The following CNST variants were observed in gnomAD, a reference collection of about 807,000 sequenced individuals.
CNST encodes the protein consortin.
Under a neutral mutation model 72.4 loss-of-function variants are expected in CNST, and 39 were observed. That is an observed-to-expected ratio of 0.54 (90% CI 0.42 to 0.70). The LOEUF (loss-of-function observed/expected upper bound fraction) is 0.70, where lower values mean the gene tolerates loss of function less well. CNST is among the 30% of genes least tolerant of loss of function. The probability of loss-of-function intolerance (pLI) is 0.00; values close to 1 mark genes in which losing one functional copy is unlikely to be tolerated. For missense variants in CNST, 871 were observed against 868.5 expected, an observed-to-expected ratio of 1.00 and a Z score of -0.04; for synonymous variants, 332 against 320.1, an observed-to-expected ratio of 1.04 and a Z score of -0.40.
rs750237928 is a variant in CNST, at chr1:246,647,712, A to G, written c.1511A>G (p.Asp504Gly). The change falls in exon 9 of 11, where the codon GAC (aspartate) becomes GGC (glycine). Residue 504 changes from aspartate (D) to glycine (G), a missense_variant. By Grantham distance (94) the Asp-to-Gly change is moderately conservative. Transcript: ENST00000366513. ...GKSPQAQADS[D>G]GSENVLCGNN... ...TCACCACAGGCGCAGGCTGACTCAG[A>G]CGGTTCTGAGAATGTGCTCTGTGGA... 6.2e-6 allele frequency: 10 copies of G among 1,614,092 alleles called. No homozygotes were observed. In the African/African-American group the frequency reaches 1.2e-4, roughly 19 times the overall value.
intron 3 of CNST, among the ~76,000 whole-genome samples, chr1:246,627,669 G>T (rs1202771772): frequency 6.6e-6 from 1 of 152,158 alleles, no homozygotes; most frequent in African/African-American, 2.4e-5. Context: ...TTTCCTGTTT[G>T]TAGAAGTATT....
At chr1:246,588,930 A>C (rs904535921) in intron 1 of CNST, among the ~76,000 whole-genome samples, 1 of 152,084 alleles carries the variant, frequency 6.6e-6, no homozygotes, top group African/African-American at 2.4e-5. Flanking sequence ...TCCATTTAAA[A>C]ATTTAAATTT....
intron 1 of CNST, among the ~76,000 whole-genome samples, chr1:246,581,983 GT>G (rs1241025279): frequency 6.6e-6 from 1 of 152,054 alleles, no homozygotes; most frequent in East Asian, 1.9e-4. Context: ...TTTAACTGGG[GT>G]TTTTTTAAAT....
chr1:246,641,803 G>A, intron 7 of CNST, 33 bp downstream of exon 7: 3 of 1,304,002 alleles, frequency 2.3e-6, no homozygotes, highest in Admixed American at 1.9e-5. Flanking sequence ...TATATTTCTA[G>A]GAAAAATGTT....
chr1:246,633,980 G>C lies in CNST; in HGVS notation c.673G>C (p.Ala225Pro), dbSNP rs780207242. Reference protein sequence around the residue: ...LERLYHEQLLANLSAIQEQWE... With the variant: ...LERLYHEQLLPNLSAIQEQWE... ...ACGATTGTATCATGAGCAATTGCTC[G>C]CAAATCTTTCTGCCATTCAAGAACA... Residue 225 changes from alanine to proline, a missense_variant, in exon 5 of 11, where the codon GCA becomes CCA. Transcript: ENST00000366513. 1 of 1,612,868 alleles carries C rather than the reference G, an allele frequency of 6.2e-7. No individual in the cohort carries two copies. Among genetic ancestry groups the C allele is most frequent in the Non-Finnish European group, 8.5e-7 (1 of 1,178,940 alleles).
chr1:246,573,978 G>C (rs182800324), intron 1 of CNST, among the ~76,000 whole-genome samples: 9 of 152,302 alleles, frequency 5.9e-5, no homozygotes, highest in South Asian at 4.2e-4. Context: ...TCGAAGTGGT[G>C]GGGGGTAGAA....
At chr1:246,605,686 G>A (rs1365977372) in intron 2 of CNST, among the ~76,000 whole-genome samples, 2 of 143,658 alleles carry the variant, frequency 1.4e-5, no homozygotes, top group African/African-American at 5.1e-5. Context: ...TCCGGCCGGG[G>A]TAGGTGTCTT....
At chr1:246,568,530 C>T (rs972375291) in intron 1 of CNST, among the ~76,000 whole-genome samples, 1 of 152,092 alleles carries the variant, frequency 6.6e-6, no homozygotes. Flanking sequence ...GATTAGTGTG[C>T]AGTATTTCCC....
At chr1:246,631,210 T>A (rs1664757075) in intron 3 of CNST, among the ~76,000 whole-genome samples, 1 of 152,252 alleles carries the variant, frequency 6.6e-6, no homozygotes, top group African/African-American at 2.4e-5. Flanking sequence ...ATGAATCTGA[T>A]AACTGACAAG....
At chr1:246,653,261 G>A (rs1666587220) in intron 9 of CNST, among the ~76,000 whole-genome samples, 1 of 152,184 alleles carries the variant, frequency 6.6e-6, no homozygotes. Context: ...AAGTGAGGTA[G>A]TTATTTCTTG....
At chr1:246,598,126 C>T (rs1325882158) in intron 2 of CNST, among the ~76,000 whole-genome samples, 2 of 151,428 alleles carry the variant, frequency 1.3e-5, no homozygotes, top group East Asian at 1.9e-4. Context: ...GGACTACAAG[C>T]GCATGCCGCT....
intron 6 of CNST, among the ~76,000 whole-genome samples, chr1:246,636,673 A>G (rs991873931): frequency 2.0e-5 from 3 of 152,138 alleles, no homozygotes; most frequent in African/African-American, 7.2e-5. Context: ...CCATTGTCCA[A>G]TTTTGGTGAA....
intron 2 of CNST, among the ~76,000 whole-genome samples, chr1:246,621,089 A>G (rs1664060935): frequency 6.6e-6 from 1 of 152,236 alleles, no homozygotes; most frequent in African/African-American, 2.4e-5. Context: ...AATTTGGTGT[A>G]TTTCAGTAGC....
intron 1 of CNST, among the ~76,000 whole-genome samples, chr1:246,575,870 A>C (rs1160304861): frequency 3.3e-5 from 5 of 152,176 alleles, no homozygotes; most frequent in African/African-American, 1.2e-4. Flanking sequence ...TTTCAATGAT[A>C]AAAAATAATA....
rs150601353 is a variant in CNST at position 246,570,177 on chromosome 1, A to G, written c.-52+3514A>G. Among the ~76,000 whole-genome samples, 374 of 152,252 alleles carry G rather than the reference A, an allele frequency of 2.5e-3. 1 individual carries two copies. Among genetic ancestry groups the G allele is most frequent in the African/African-American group, 8.3e-3 (345 of 41,542 alleles). ...GGTTTAGGGGAATTTAAAAGGAAAGATGGCAGTTTTTATATAAAGCAACTG... is the reference window on the plus strand; with the variant it reads ...GGTTTAGGGGAATTTAAAAGGAAAGGTGGCAGTTTTTATATAAAGCAACTG... On this transcript the variant is annotated intron_variant, in intron 1 of 10. Coordinates refer to ENST00000366513, the MANE Select transcript of CNST (RefSeq NM_152609.3).
intron 2 of CNST, among the ~76,000 whole-genome samples, chr1:246,602,897 G>GC (rs1662401660): frequency 6.7e-6 from 1 of 149,350 alleles, no homozygotes; most frequent in Non-Finnish European, 1.5e-5. Flanking sequence ...TTTTTGTCTA[G>GC]TTTTTTTTTT....
intron 1 of CNST, among the ~76,000 whole-genome samples, chr1:246,569,369 T>C (rs1659923512): frequency 6.6e-6 from 1 of 152,208 alleles, no homozygotes; most frequent in Non-Finnish European, 1.5e-5. Flanking sequence ...ACATTTCAAG[T>C]GCTCAACAGT....
intron 1 of CNST, among the ~76,000 whole-genome samples, chr1:246,585,690 C>T (rs1302102531): frequency 6.9e-6 from 1 of 145,504 alleles, no homozygotes; most frequent in African/African-American, 2.5e-5. Flanking sequence ...CACACACACA[C>T]ACACACACAC....
intron 2 of CNST, among the ~76,000 whole-genome samples, chr1:246,618,404 A>G (rs1663835912): frequency 6.6e-6 from 1 of 152,198 alleles, no homozygotes. Context: ...ATCTCAAGGT[A>G]AGATGGTTTT....
Sources: allele counts gnomAD v4.1 joint callset (sites outside exome capture counted in the v4.1 genomes callset), GRCh38; gene constraint gnomAD v4.1.1; transcripts MANE v1.5; gene names NCBI Gene and HGNC (gene_info 2026-07-23, HGNC 2026-07-21).